Variants in ASCC3 observed in about 807,000 individuals in gnomAD.
The protein encoded by ASCC3 is activating signal cointegrator 1 complex subunit 3.
Under a neutral mutation model 256.3 loss-of-function variants are expected in ASCC3, and 158 were observed. That is an observed-to-expected ratio of 0.62 (90% CI 0.54 to 0.70). ASCC3 has a LOEUF of 0.70. Among genes scored for constraint, ASCC3 ranks in the 30% least tolerant of loss-of-function variants. The pLI is 0.00. For missense variants in ASCC3, 2,259 were observed against 2,626.0 expected, an observed-to-expected ratio of 0.86 and a Z score of 3.05; for synonymous variants, 948 against 883.4, an observed-to-expected ratio of 1.07 and a Z score of -1.30.
intron 10 of ASCC3, among the ~76,000 whole-genome samples, chr6:100,746,299 T>A (rs1780673189): frequency 6.6e-6 from 1 of 151,976 alleles, no homozygotes; most frequent in African/African-American, 2.4e-5. Flanking sequence ...ATTAATCTAA[T>A]CTATCTTAGA....
intron 36 of ASCC3, among the ~76,000 whole-genome samples, chr6:100,561,004 T>C (rs1031335755): frequency 1.3e-5 from 2 of 152,130 alleles, no homozygotes; most frequent in South Asian, 2.1e-4. Flanking sequence ...ATCAGGTATA[T>C]ATGCATTTCC....
intron 4 of ASCC3, among the ~76,000 whole-genome samples, chr6:100,838,682 A>G (rs763044327): frequency 5.9e-5 from 9 of 152,118 alleles, no homozygotes; most frequent in Non-Finnish European, 1.3e-4. Flanking sequence ...ACATACTATA[A>G]TTAGCTGCAT....
chr6:100,764,072 T>G (rs1173917114), intron 10 of ASCC3, among the ~76,000 whole-genome samples: 1 of 152,232 alleles, frequency 6.6e-6, no homozygotes, highest in East Asian at 1.9e-4. Context: ...GACTAACTCA[T>G]AAATTGAATT....
chr6:100,881,060 C>T lies in ASCC3; in HGVS notation c.-42+1G>A, dbSNP rs1769284095. 1 of 152,550 alleles carries T rather than the reference C, an allele frequency of 6.6e-6. No individual in the cohort carries two copies. The highest frequency in any genetic ancestry group is 2.4e-5 in the African/African-American group (1 of 41,470). The allele number at this position is 152,550 out of a possible 1,614,324, so 9.4% of individuals were successfully genotyped here. ...TCCCACCTCCACCTCCACCTCCTCA[C>T]CTCTCGGCCTGGCTCACGCGTTTCC... On this transcript the variant is annotated splice_donor_variant, in intron 1 of 41. Coordinates refer to ENST00000369162, the MANE Select transcript of ASCC3 (RefSeq NM_006828.4). LOFTEE classifies it low-confidence loss of function (5UTR_SPLICE).
At chr6:100,821,679 C>T (rs575506270) in intron 4 of ASCC3, among the ~76,000 whole-genome samples, 1 of 152,000 alleles carries the variant, frequency 6.6e-6, no homozygotes, top group Non-Finnish European at 1.5e-5. Flanking sequence ...CAAAAGTTAG[C>T]TGGGCGTGGT....
At chr6:100,648,843 A>T (rs1408506534) in intron 20 of ASCC3, among the ~76,000 whole-genome samples, 2 of 152,072 alleles carry the variant, frequency 1.3e-5, no homozygotes. Context: ...GACAAGATAC[A>T]AACAGGACAT....
chr6:100,742,356 G>T (rs566830668), intron 10 of ASCC3, among the ~76,000 whole-genome samples: 1 of 152,260 alleles, frequency 6.6e-6, no homozygotes, highest in South Asian at 2.1e-4. Context: ...ACAGAATCTG[G>T]GACTTGCTCA....
intron 24 of ASCC3, among the ~76,000 whole-genome samples, chr6:100,641,724 C>G (rs527510674): frequency 6.6e-6 from 1 of 152,128 alleles, no homozygotes; most frequent in African/African-American, 2.4e-5. Flanking sequence ...TGTATGTTTA[C>G]TGCAGCACTA....
rs767801020 is a variant in ASCC3, at chr6:100,650,665, C to T, written c.3125G>A (p.Cys1042Tyr). The T allele has an allele frequency of 6.2e-7, 1 of 1,612,432 alleles. No individual in the cohort carries two copies. The highest frequency in any genetic ancestry group is 1.1e-5 in the South Asian group (1 of 91,040). ...EELDTLLSNF[C>Y]ELSTPGGVEN... ...TACACCTCCAGGAGTGGAGAGTTCACAAAAATTGCTTAATAAGGTATCTAA... is the reference window on the plus strand; with the variant it reads ...TACACCTCCAGGAGTGGAGAGTTCATAAAAATTGCTTAATAAGGTATCTAA... Residue 1042 changes from cysteine (C) to tyrosine (Y), a missense_variant, in exon 20 of 42, where the codon TGT becomes TAT. Transcript: ENST00000369162.
At chr6:100,579,765 A>G (rs972130655) in intron 36 of ASCC3, among the ~76,000 whole-genome samples, 10 of 151,992 alleles carry the variant, frequency 6.6e-5, no homozygotes, top group African/African-American at 2.4e-4. Flanking sequence ...GTAACATGAT[A>G]TCTCCAGCTT....
intron 4 of ASCC3, among the ~76,000 whole-genome samples, chr6:100,814,405 G>T (rs1334544244): frequency 6.6e-6 from 1 of 151,864 alleles, no homozygotes; most frequent in Non-Finnish European, 1.5e-5. Flanking sequence ...TTTCTTTTTT[G>T]TTGTTGTTGT....
intron 3 of ASCC3, among the ~76,000 whole-genome samples, chr6:100,849,167 T>C (rs1772538622): frequency 1.3e-5 from 2 of 152,154 alleles, no homozygotes; most frequent in Admixed American, 6.5e-5. Flanking sequence ...AACCAACCCA[T>C]TCCTGAAGAA....
chr6:100,683,972 T>C (rs239193), intron 13 of ASCC3, among the ~76,000 whole-genome samples: 78,353 of 151,828 alleles, frequency 0.52, 20,521 homozygotes, highest in East Asian at 0.72. Flanking sequence ...AAAAAAAGTA[T>C]GTAAATTTGA....
At chr6:100,784,649 C>T (rs935714144) in intron 8 of ASCC3, among the ~76,000 whole-genome samples, 2 of 151,848 alleles carry the variant, frequency 1.3e-5, no homozygotes, top group African/African-American at 4.8e-5. Context: ...TATATTAATA[C>T]AAAAACATTC....
chr6:100,581,723 C>T (rs1331166699), intron 36 of ASCC3, among the ~76,000 whole-genome samples: 14 of 151,932 alleles, frequency 9.2e-5, no homozygotes, highest in Non-Finnish European at 2.1e-4. Context: ...TTAGGTCTAA[C>T]GTTTAAGTCT....
intron 34 of ASCC3, among the ~76,000 whole-genome samples, chr6:100,592,004 T>C (rs1212640451): frequency 6.6e-6 from 1 of 151,922 alleles, no homozygotes. Context: ...TTACAAGGTA[T>C]ATTTCAATGG....
At chr6:100,601,664 T>A (rs968476640) in intron 34 of ASCC3, 146 bp downstream of exon 34, 1 of 841,090 alleles carries the variant, frequency 1.2e-6, no homozygotes, top group African/African-American at 1.7e-5. Context: ...ACCAGAGATA[T>A]CATCTGATTC....
chr6:100,701,854 T>C (rs943033993), intron 13 of ASCC3, among the ~76,000 whole-genome samples: 13 of 152,042 alleles, frequency 8.6e-5, no homozygotes, highest in Admixed American at 7.2e-4. Flanking sequence ...GTGTGAGTCA[T>C]AGGGAACAAT....
At chr6:100,813,093 A>G (rs563516364) in intron 4 of ASCC3, among the ~76,000 whole-genome samples, 1 of 152,176 alleles carries the variant, frequency 6.6e-6, no homozygotes, top group Non-Finnish European at 1.5e-5. Context: ...GAGCAAAAAA[A>G]TTTTGAAAAA....
Sources: allele counts gnomAD v4.1 joint callset (sites outside exome capture counted in the v4.1 genomes callset), GRCh38; gene constraint gnomAD v4.1.1; transcripts MANE v1.5; gene names NCBI Gene and HGNC (gene_info 2026-07-23, HGNC 2026-07-21).